Variants in SRPK2 observed in about 807,000 individuals in gnomAD.
SRPK2 encodes the protein SRSF protein kinase 2, also known as SFRS protein kinase 2.
In SRPK2, 21 loss-of-function variants were observed where a neutral mutation model predicts 90.8. The ratio of observed to expected loss-of-function variants is 0.23; its 90% CI spans 0.16 to 0.33. The LOEUF (loss-of-function observed/expected upper bound fraction) is 0.33, where lower values mean the gene tolerates loss of function less well. Among genes scored for constraint, SRPK2 ranks in the 10% least tolerant of loss-of-function variants. The pLI is 1.00. For missense variants in SRPK2, 620 were observed against 869.0 expected, an observed-to-expected ratio of 0.71 and a Z score of 3.60; for synonymous variants, 288 against 311.1, an observed-to-expected ratio of 0.93 and a Z score of 0.78.
chr7:105,389,007 C>CGGCCCCGGGGGTCGG, upstream of SRPK2: 1 of 1,000,880 alleles, frequency 1.0e-6, no homozygotes, highest in Non-Finnish European at 1.2e-6. Context: ...CCCCACCCGC[C>CGGCCCCGGGGGTCGG]GGCCCCGGGG....
chr7:105,170,957 A>AAG (rs1176197993), intron 3 of SRPK2, among the ~76,000 whole-genome samples: 2 of 43,508 alleles, frequency 4.6e-5, no homozygotes, highest in East Asian at 2.6e-4. Context: ...GAAAGAAAGA[A>AAG]AGAAAGAAAG....
chr7:105,349,550 A>G (rs1473403369), intron 2 of SRPK2, among the ~76,000 whole-genome samples: 1 of 150,958 alleles, frequency 6.6e-6, no homozygotes, highest in Admixed American at 6.6e-5. Flanking sequence ...AATTAGGAAA[A>G]GAGAGTAATA....
At chr7:105,119,057 C>T (rs1419115767) in intron 15 of SRPK2, among the ~76,000 whole-genome samples, 2 of 151,882 alleles carry the variant, frequency 1.3e-5, no homozygotes, top group Non-Finnish European at 2.9e-5. Flanking sequence ...CTCAGTGCAT[C>T]CTGAGCAGCT....
At chr7:105,207,672 T>C (rs1229459790) in intron 2 of SRPK2, among the ~76,000 whole-genome samples, 2 of 152,180 alleles carry the variant, frequency 1.3e-5, no homozygotes, top group Non-Finnish European at 2.9e-5. Flanking sequence ...ACACAGGCTT[T>C]ACATGAAAGA....
At chr7:105,205,445 A>C (rs1034494755) in intron 2 of SRPK2, among the ~76,000 whole-genome samples, 2 of 151,930 alleles carry the variant, frequency 1.3e-5, no homozygotes, top group Non-Finnish European at 2.9e-5. Context: ...TGATGATAAC[A>C]CTCCAAGTTA....
intron 2 of SRPK2, among the ~76,000 whole-genome samples, chr7:105,383,577 T>C (rs1821204272): frequency 1.3e-5 from 2 of 151,758 alleles, no homozygotes; most frequent in Admixed American, 1.3e-4. Context: ...CACACTACCA[T>C]GCCAGGCAAT....
At chr7:105,233,626 G>A (rs1000582669) in intron 2 of SRPK2, among the ~76,000 whole-genome samples, 8 of 152,148 alleles carry the variant, frequency 5.3e-5, no homozygotes, top group Non-Finnish European at 1.0e-4. Flanking sequence ...GGCCAAAGCC[G>A]GTGGATCACT....
intron 2 of SRPK2, among the ~76,000 whole-genome samples, chr7:105,261,615 T>C (rs888351521): frequency 1.3e-5 from 2 of 152,218 alleles, no homozygotes; most frequent in East Asian, 3.8e-4. Context: ...TTTATTAATC[T>C]ATGCCAATAC....
At chr7:105,220,074 T>TA (rs1240469026) in intron 2 of SRPK2, among the ~76,000 whole-genome samples, 1 of 152,150 alleles carries the variant, frequency 6.6e-6, no homozygotes, top group African/African-American at 2.4e-5. Flanking sequence ...GACTTAATCA[T>TA]AAAAAATGAA....
At chr7:105,206,726 C>T (rs1362387792) in intron 2 of SRPK2, among the ~76,000 whole-genome samples, 1 of 152,122 alleles carries the variant, frequency 6.6e-6, no homozygotes, top group Admixed American at 6.5e-5. Flanking sequence ...GTATAAAATA[C>T]ATGTTAGATT....
At chr7:105,280,908 C>T (rs1465705952) in intron 2 of SRPK2, among the ~76,000 whole-genome samples, 14 of 114,174 alleles carry the variant, frequency 1.2e-4, no homozygotes, top group African/African-American at 4.8e-4. Flanking sequence ...GATAGCGCCA[C>T]TGCACTCCAG....
intron 2 of SRPK2, among the ~76,000 whole-genome samples, chr7:105,212,264 T>C (rs1380678285): frequency 6.6e-6 from 1 of 152,196 alleles, no homozygotes; most frequent in East Asian, 1.9e-4. Flanking sequence ...CATCCACTGA[T>C]TCTACAACTA....
chr7:105,353,787 CA>C (rs1177383441), intron 2 of SRPK2, among the ~76,000 whole-genome samples: 1 of 152,144 alleles, frequency 6.6e-6, no homozygotes, highest in Non-Finnish European at 1.5e-5. Flanking sequence ...TCACAAAAGA[CA>C]GGACAAACTA....
chr7:105,285,474 G>A (rs6954777), intron 2 of SRPK2, among the ~76,000 whole-genome samples: 65,406 of 150,650 alleles, frequency 0.43, 15,547 homozygotes, highest in South Asian at 0.54. Context: ...AAAATATCAG[G>A]ATAATAATTG....
chr7:105,345,230 T>C (rs756621942), intron 2 of SRPK2, among the ~76,000 whole-genome samples: 1 of 151,804 alleles, frequency 6.6e-6, no homozygotes, highest in Non-Finnish European at 1.5e-5. Context: ...AACTTGCTTA[T>C]CTAGTTTCTG....
At chr7:105,314,822 G>C (rs1812137843) in intron 2 of SRPK2, among the ~76,000 whole-genome samples, 1 of 152,242 alleles carries the variant, frequency 6.6e-6, no homozygotes, top group Admixed American at 6.5e-5. Context: ...GTCGAATAAT[G>C]AGAAATTCAT....
intron 2 of SRPK2, among the ~76,000 whole-genome samples, chr7:105,241,704 T>C (rs1317805237): frequency 6.6e-6 from 1 of 152,200 alleles, no homozygotes; most frequent in Non-Finnish European, 1.5e-5. Context: ...AATCTATTCC[T>C]TTACAGGAAA....
At chr7:105,245,066 CACA>C (rs1801444504) in intron 2 of SRPK2, 3 of 649,766 alleles carry the variant, frequency 4.6e-6, no homozygotes, top group African/African-American at 1.9e-5. Flanking sequence ...CACACACACA[CACA>C]CACACCTCTT....
chr7:105,249,608 T>C lies in SRPK2; in HGVS notation c.72-45823A>G, dbSNP rs369126529. Reference sequence around the variant, plus strand: ...AGAATCCCATCTAGAACCTGAGTTGTATCAATTCACCATTTTGGGCATCAG... The same window carrying C: ...AGAATCCCATCTAGAACCTGAGTTGCATCAATTCACCATTTTGGGCATCAG... On this transcript the variant is annotated intron_variant, in intron 2 of 15. Coordinates refer to ENST00000393651, the MANE Select transcript of SRPK2 (RefSeq NM_182692.3). Among the ~76,000 whole-genome samples the C allele has an allele frequency of 2.0e-5, 3 of 152,232 alleles. No individual in the cohort carries two copies. In the East Asian group the frequency reaches 5.8e-4, roughly 29 times the overall value.
Sources: gnomAD v4.1 joint callset for allele counts (sites outside exome capture counted in the v4.1 genomes callset) on GRCh38, gnomAD v4.1.1 for gene constraint, MANE v1.5 for transcripts, NCBI Gene and HGNC (gene_info 2026-07-23, HGNC 2026-07-21) for gene names.